SPAG1: variants seen among roughly 807,000 people sequenced by gnomAD.
The protein encoded by SPAG1 is sperm associated antigen 1, also known as sperm-associated antigen 1.
A neutral mutation model predicts 100.5 loss-of-function variants in SPAG1; 69 were observed. That is an observed-to-expected ratio of 0.69 (90% confidence interval 0.57 to 0.84). The LOEUF is 0.84. Among genes scored for constraint, SPAG1 ranks in the 40% least tolerant of loss-of-function variants. The pLI is 0.00. For missense variants in SPAG1, 955 were observed against 1,133.1 expected (o/e 0.84, Z 2.26); for synonymous variants, 336 against 411.6 (o/e 0.82, Z 2.22).
At chr8:100,197,614 C>T (rs1193163892) in intron 10 of SPAG1, among the ~76,000 whole-genome samples, 1 of 152,192 alleles carries the variant, frequency 6.6e-6, no homozygotes, top group African/African-American at 2.4e-5. Flanking sequence ...GGAATCTTTA[C>T]ATGTGGTTCT....
intron 11 of SPAG1, 136 bp from the exon 12 acceptor site, chr8:100,213,683 G>A (rs1563801175): frequency 1.6e-6 from 1 of 608,340 alleles, no homozygotes; most frequent in East Asian, 3.0e-5. Flanking sequence ...GCGGGTAGCA[G>A]CTCCGTGGAG....
intron 3 of SPAG1, among the ~76,000 whole-genome samples, chr8:100,171,486 A>G (rs2132219586): frequency 6.6e-6 from 1 of 152,222 alleles, no homozygotes; most frequent in East Asian, 1.9e-4. Flanking sequence ...TCTTTGTAGG[A>G]AAGATTTTAA....
intron 15 of SPAG1, among the ~76,000 whole-genome samples, chr8:100,232,593 ACCATCCCCCTGT>A (rs1449055271): frequency 6.6e-6 from 1 of 151,974 alleles, no homozygotes; most frequent in African/African-American, 2.4e-5. Context: ...TCTCCTTGCC[ACCATCCCCCTGT>A]CATTCCCTTG....
intron 10 of SPAG1, among the ~76,000 whole-genome samples, chr8:100,202,527 G>A (rs1424793461): frequency 2.0e-5 from 3 of 150,216 alleles, no homozygotes; most frequent in South Asian, 2.1e-4. Context: ...TGGCTAACAC[G>A]GTGAAACCCC....
intron 10 of SPAG1, among the ~76,000 whole-genome samples, chr8:100,209,917 A>T (rs1015748641): frequency 1.3e-5 from 2 of 151,580 alleles, no homozygotes; most frequent in African/African-American, 4.8e-5. Flanking sequence ...CTTTTTTTTT[A>T]ATATAAATAG....
At chr8:100,206,084 A>G (rs1817505324) in intron 10 of SPAG1, among the ~76,000 whole-genome samples, 2 of 149,034 alleles carry the variant, frequency 1.3e-5, no homozygotes, top group South Asian at 4.3e-4. Flanking sequence ...GAGTCCCATC[A>G]CATTCCCATT....
At chr8:100,236,931 G>A (rs1214235615) in intron 16 of SPAG1, among the ~76,000 whole-genome samples, 1 of 152,056 alleles carries the variant, frequency 6.6e-6, no homozygotes, top group Admixed American at 6.6e-5. Flanking sequence ...AATAACTATT[G>A]CTTTTATGGT....
chr8:100,223,949 A>T (rs1818392704), intron 13 of SPAG1, among the ~76,000 whole-genome samples: 1 of 152,112 alleles, frequency 6.6e-6, no homozygotes, highest in Non-Finnish European at 1.5e-5. Context: ...TCTATATATA[A>T]ATATAAAAGT....
Position 100,224,005 on chromosome 8 carries a change from T to C in SPAG1, c.1689-1168T>C, listed in dbSNP as rs1301859098. Among the ~76,000 whole-genome samples, 7 of 152,232 alleles carry C rather than the reference T, an allele frequency of 4.6e-5. No individual in the cohort carries two copies. In the East Asian group the frequency reaches 1.2e-3, roughly 25 times the overall value. On this transcript the variant is annotated intron_variant, in intron 13 of 18. Transcript: ENST00000388798. ...ACTAGATTTAACTAACTTGAATTTA[T>C]TCTGCTAATTGCCAGTAAACCAATT...
intron 12 of SPAG1, among the ~76,000 whole-genome samples, chr8:100,218,218 G>A (rs2132378272): frequency 6.6e-6 from 1 of 152,184 alleles, no homozygotes; most frequent in East Asian, 1.9e-4. Context: ...AGTTCTCTGT[G>A]CTTATTTTTA....
rs1789164086 is a variant in SPAG1, at chr8:100,168,334, G to A, written c.300+2361G>A. Among the ~76,000 whole-genome samples the A allele has an allele frequency of 3.3e-5, 5 of 152,044 alleles. No homozygotes were observed. In the South Asian group the frequency reaches 6.2e-4, roughly 19 times the overall value. On this transcript the variant is annotated intron_variant, in intron 3 of 18. Coordinates refer to ENST00000388798, the MANE Select transcript of SPAG1 (RefSeq NM_003114.5). ...AGTGTCTTTTCATGTAACTTCTATT[G>A]TGAGGTGTCTTTACATCCTTTGCCC...
chr8:100,187,068 T>A, intron 7 of SPAG1, 52 bp from the exon 8 acceptor site: 1 of 1,558,588 alleles, frequency 6.4e-7, no homozygotes, highest in South Asian at 1.2e-5. Context: ...TTTCTCTACA[T>A]TCTTATGTTT....
chr8:100,192,147 T>C (rs1434658585), intron 9 of SPAG1, among the ~76,000 whole-genome samples: 2 of 152,182 alleles, frequency 1.3e-5, no homozygotes, highest in Non-Finnish European at 2.9e-5. Flanking sequence ...TCAATGGATT[T>C]ATGTGATGGC....
chr8:100,227,269 T>C (rs765930611), intron 14 of SPAG1, among the ~76,000 whole-genome samples: 2 of 152,258 alleles, frequency 1.3e-5, no homozygotes, highest in Non-Finnish European at 2.9e-5. Flanking sequence ...TTGAGTGTAG[T>C]AAGTAAGCAT....
At chr8:100,218,443 A>T (rs568585006) in intron 12 of SPAG1, among the ~76,000 whole-genome samples, 53 of 152,228 alleles carry the variant, frequency 3.5e-4, no homozygotes, top group Non-Finnish European at 7.1e-4. Flanking sequence ...GAAGGTAGTC[A>T]CATGGTTGTG....
chr8:100,176,373 CT>C (rs1478397545), intron 3 of SPAG1, among the ~76,000 whole-genome samples: 12 of 137,660 alleles, frequency 8.7e-5, no homozygotes, highest in Admixed American at 3.6e-4. Flanking sequence ...TTCTTTCTTT[CT>C]TTTTTTTTTG....
intron 14 of SPAG1, among the ~76,000 whole-genome samples, chr8:100,226,982 T>C (rs917502312): frequency 1.3e-5 from 2 of 152,242 alleles, no homozygotes; most frequent in Non-Finnish European, 2.9e-5. Flanking sequence ...TGTGTTACAG[T>C]TGCCCACAGT....
intron 3 of SPAG1, among the ~76,000 whole-genome samples, chr8:100,167,761 G>A (rs1815630619): frequency 1.3e-5 from 2 of 152,124 alleles, no homozygotes; most frequent in Non-Finnish European, 2.9e-5. Flanking sequence ...TTTGACAAAC[G>A]TATATGATAC....
chr8:100,240,516 TC>T lies in SPAG1; in HGVS notation c.2396del (p.Pro799ArgfsTer2). On this transcript the variant is annotated frameshift_variant, in exon 18 of 19. Coordinates refer to ENST00000388798, the MANE Select transcript of SPAG1 (RefSeq NM_003114.5). LOFTEE classifies it high-confidence loss of function. Reference sequence around the variant, plus strand: ...GGTCACCAGAAGACCCTGAGAAACTTCCGATAGCCAAGCCTAATAATGCCTA... The same window carrying T: ...GGTCACCAGAAGACCCTGAGAAACTTCGATAGCCAAGCCTAATAATGCCTA... ...SRSPEDPEKL[P>X]IAKPNNAYEF... 1 of 1,614,130 alleles carries T rather than the reference TC, an allele frequency of 6.2e-7. No individual in the cohort carries two copies. Among genetic ancestry groups the T allele is most frequent in the Non-Finnish European group, 8.5e-7 (1 of 1,180,006 alleles).
Sources: gnomAD v4.1 joint callset for allele counts (sites outside exome capture counted in the v4.1 genomes callset) on GRCh38, gnomAD v4.1.1 for gene constraint, MANE v1.5 for transcripts, NCBI Gene and HGNC (gene_info 2026-07-23, HGNC 2026-07-21) for gene names.